SOX5: variants seen among roughly 807,000 people sequenced by gnomAD.
SOX5 encodes transcription factor SOX-5.
SOX5 carries 9 observed loss-of-function variants against 92.0 expected under a neutral mutation model. The ratio of observed to expected loss-of-function variants is 0.10; its 90% CI spans 0.06 to 0.17. The LOEUF (loss-of-function observed/expected upper bound fraction) is 0.17, where lower values mean the gene tolerates loss of function less well. Among genes scored for constraint, SOX5 ranks in the 10% least tolerant of loss-of-function variants. SOX5 has a pLI of 1.00. For synonymous variants in SOX5, 344 were observed against 336.3 expected, an observed-to-expected ratio of 1.02 and a Z score of -0.25; for missense variants, 642 against 944.5, an observed-to-expected ratio of 0.68 and a Z score of 4.20.
chr12:24,175,532 C>T (rs1237089142), intron 4 of SOX5, among the ~76,000 whole-genome samples: 1 of 152,224 alleles, frequency 6.6e-6, no homozygotes, highest in African/African-American at 2.4e-5. Context: ...GACACACCCT[C>T]ATCCCTTGTA....
At chr12:24,299,811 G>A (rs1484666666) in intron 2 of SOX5, among the ~76,000 whole-genome samples, 3 of 152,132 alleles carry the variant, frequency 2.0e-5, no homozygotes, top group Admixed American at 6.5e-5. Context: ...TATTTCTAGT[G>A]GCAAAAAAAT....
At position 23,609,897 on chromosome 12, in the gene SOX5, A is replaced by G. The variant is rs563909376; in HGVS notation, c.1018-5364T>C. On this transcript the variant is annotated intron_variant, in intron 8 of 14. Transcript: ENST00000451604. ...AAGTCTAATCAGTAGTTTTTCTTAT[A>G]ATTTATTATTATGTGCACCAAATCA... Among the ~76,000 whole-genome samples the G allele has an allele frequency of 1.4e-4, 21 of 152,276 alleles. 1 individual carries two copies. Among genetic ancestry groups the G allele is most frequent in the South Asian group, 1.2e-3 (6 of 4,832 alleles).
At chr12:23,733,896 T>C (rs2093485124) in intron 6 of SOX5, among the ~76,000 whole-genome samples, 1 of 152,154 alleles carries the variant, frequency 6.6e-6, no homozygotes, top group Non-Finnish European at 1.5e-5. Context: ...GGTTCCTTGA[T>C]AGTCATAGCA....
chr12:23,937,031 T>A (rs775913785), intron 1 of SOX5, among the ~76,000 whole-genome samples: 14 of 150,874 alleles, frequency 9.3e-5, no homozygotes, highest in Non-Finnish European at 1.3e-4. Flanking sequence ...CTAAATCACA[T>A]ACCTGTTTGT....
At chr12:24,159,711 AT>A (rs770110347) in intron 4 of SOX5, among the ~76,000 whole-genome samples, 2 of 152,058 alleles carry the variant, frequency 1.3e-5, no homozygotes, top group African/African-American at 2.4e-5. Flanking sequence ...TCCAGATAAT[AT>A]TCTGGGATCA....
intron 1 of SOX5, among the ~76,000 whole-genome samples, chr12:24,380,427 T>G (rs1957707488): frequency 1.3e-5 from 2 of 152,254 alleles, no homozygotes; most frequent in African/African-American, 4.8e-5. Context: ...GAGAATGACT[T>G]GAATTTTACT....
At chr12:23,856,376 A>G (rs1442730690) in intron 2 of SOX5, among the ~76,000 whole-genome samples, 1 of 152,102 alleles carries the variant, frequency 6.6e-6, no homozygotes, top group Non-Finnish European at 1.5e-5. Context: ...TTTATTCACT[A>G]ATGTTTCAGT....
intron 4 of SOX5, among the ~76,000 whole-genome samples, chr12:24,005,717 T>C (rs1315572540): frequency 6.6e-6 from 1 of 152,222 alleles, no homozygotes; most frequent in African/African-American, 2.4e-5. Context: ...TACTAGGAAC[T>C]CGATGTAACT....
chr12:23,845,140 G>A (rs532717060), intron 3 of SOX5, among the ~76,000 whole-genome samples: 21 of 152,250 alleles, frequency 1.4e-4, no homozygotes, highest in African/African-American at 3.6e-4. Context: ...ATTGTTACAC[G>A]GTATACACGC....
At chr12:24,388,294 C>A (rs146314906) in intron 1 of SOX5, among the ~76,000 whole-genome samples, 31 of 152,270 alleles carry the variant, frequency 2.0e-4, no homozygotes, top group Non-Finnish European at 3.8e-4. Context: ...CAGCTTGGTG[C>A]CCTAGGATGC....
At chr12:24,163,688 G>T (rs562190682) in intron 4 of SOX5, among the ~76,000 whole-genome samples, 69 of 151,992 alleles carry the variant, frequency 4.5e-4, no homozygotes, top group Non-Finnish European at 2.9e-5. Flanking sequence ...TTCTGATGAT[G>T]ATTAATCTCT....
At chr12:23,962,232 C>T (rs547032519) in intron 4 of SOX5, among the ~76,000 whole-genome samples, 17 of 151,744 alleles carry the variant, frequency 1.1e-4, no homozygotes, top group African/African-American at 4.1e-4. Flanking sequence ...ACAAAAAAGA[C>T]CTACTTGAAA....
At chr12:24,237,217 T>C (rs1012772478) in intron 3 of SOX5, among the ~76,000 whole-genome samples, 2 of 152,196 alleles carry the variant, frequency 1.3e-5, no homozygotes, top group Admixed American at 6.5e-5. Flanking sequence ...ATTTGATTGG[T>C]ATCTTAAGAA....
At chr12:23,874,043 A>G (rs2096901910) in intron 2 of SOX5, among the ~76,000 whole-genome samples, 1 of 152,210 alleles carries the variant, frequency 6.6e-6, no homozygotes, top group South Asian at 2.1e-4. Context: ...TGCTTCAAAG[A>G]TGGTGATTCA....
intron 4 of SOX5, among the ~76,000 whole-genome samples, chr12:24,033,634 T>C (rs1264201749): frequency 6.6e-6 from 1 of 152,040 alleles, no homozygotes; most frequent in East Asian, 1.9e-4. Context: ...AGTAAGAAGA[T>C]GGTGATTAAC....
At chr12:23,983,179 G>C (rs1226022957) in intron 4 of SOX5, among the ~76,000 whole-genome samples, 1 of 150,624 alleles carries the variant, frequency 6.6e-6, no homozygotes, top group East Asian at 2.0e-4. Context: ...ATTTAAAAAT[G>C]GGCAGATGCC....
intron 2 of SOX5, among the ~76,000 whole-genome samples, chr12:23,887,063 T>C (rs1262035132): frequency 6.6e-6 from 1 of 152,208 alleles, no homozygotes; most frequent in African/African-American, 2.4e-5. Context: ...CTATATAGTT[T>C]TGTGAATAAC....
intron 4 of SOX5, among the ~76,000 whole-genome samples, chr12:23,743,779 C>T (rs774674416): frequency 6.6e-5 from 10 of 152,062 alleles, no homozygotes; most frequent in Admixed American, 1.3e-4. Context: ...TTTCACATTC[C>T]GTGAATACTG....
intron 2 of SOX5, among the ~76,000 whole-genome samples, chr12:24,288,198 C>A (rs1466415001): frequency 6.6e-6 from 1 of 152,096 alleles, no homozygotes. Flanking sequence ...CTACTGGCAT[C>A]TAGTGGGTAG....
Sources: gnomAD v4.1 joint callset for allele counts (sites outside exome capture counted in the v4.1 genomes callset) on GRCh38, gnomAD v4.1.1 for gene constraint, MANE v1.5 for transcripts, NCBI Gene and HGNC (gene_info 2026-07-23, HGNC 2026-07-21) for gene names.